Variants in BMAL1 observed in about 807,000 individuals in gnomAD.
BMAL1 encodes basic helix-loop-helix ARNT like 1, also known as basic helix-loop-helix ARNT-like protein 1.
the BMAL1 span, among the ~76,000 whole-genome samples, chr11:13,307,332 G>C: frequency 6.6e-6 from 1 of 152,216 alleles, no homozygotes; most frequent in African/African-American, 2.4e-5. Flanking sequence ...ATGACAAGAG[G>C]TGTCAAGGCG....
At chr11:13,374,974 C>T in the BMAL1 span, among the ~76,000 whole-genome samples, 1 of 152,192 alleles carries the variant, frequency 6.6e-6, no homozygotes, top group African/African-American at 2.4e-5. Flanking sequence ...CTGGCCTCTC[C>T]CCAACCAGAC....
At chr11:13,317,845 A>G in the BMAL1 span, among the ~76,000 whole-genome samples, 1 of 152,204 alleles carries the variant, frequency 6.6e-6, no homozygotes, top group Non-Finnish European at 1.5e-5. Flanking sequence ...AAAAATACGT[A>G]GATACTTTCA....
chr11:13,292,311 G>A, the BMAL1 span, among the ~76,000 whole-genome samples: 1 of 151,798 alleles, frequency 6.6e-6, no homozygotes, highest in Admixed American at 6.6e-5. Context: ...TTGGGAGGTC[G>A]AGGCAGGCAG....
At chr11:13,360,466 T>C in the BMAL1 span, 2 of 1,575,720 alleles carry the variant, frequency 1.3e-6, no homozygotes, top group South Asian at 1.1e-5. Context: ...TTTGTTTTTA[T>C]AAATTTTCAA....
chr11:13,284,077 G>T, the BMAL1 span, among the ~76,000 whole-genome samples: 7 of 85,626 alleles, frequency 8.2e-5, no homozygotes, highest in African/African-American at 3.9e-4. Flanking sequence ...ACAGTGTTGG[G>T]GTGTGTGTGT....
chr11:13,365,142 A>G, the BMAL1 span, among the ~76,000 whole-genome samples: 6 of 152,118 alleles, frequency 3.9e-5, no homozygotes, highest in African/African-American at 1.2e-4. Flanking sequence ...CTCTCCATAG[A>G]GTTGTTATTA....
At chr11:13,369,361 T>C in the BMAL1 span, among the ~76,000 whole-genome samples, 2 of 152,240 alleles carry the variant, frequency 1.3e-5, no homozygotes, top group Non-Finnish European at 2.9e-5. Flanking sequence ...AAGAACCCCA[T>C]ACTATATTTC....
the BMAL1 span, among the ~76,000 whole-genome samples, chr11:13,281,081 A>AT: frequency 2.6e-5 from 4 of 152,116 alleles, no homozygotes; most frequent in African/African-American, 9.7e-5. Flanking sequence ...TGCATGTAAA[A>AT]GGCCTGGCAC....
At chr11:13,351,230 A>G in the BMAL1 span, among the ~76,000 whole-genome samples, 1 of 152,206 alleles carries the variant, frequency 6.6e-6, no homozygotes, top group African/African-American at 2.4e-5. Flanking sequence ...TGTCGAGCTG[A>G]TAGCACATTT....
the BMAL1 span, among the ~76,000 whole-genome samples, chr11:13,279,556 T>C: frequency 6.6e-6 from 1 of 152,224 alleles, no homozygotes; most frequent in Non-Finnish European, 1.5e-5. Flanking sequence ...TTGAATAATA[T>C]CATGCTCTCT....
the BMAL1 span, among the ~76,000 whole-genome samples, chr11:13,315,416 G>A: frequency 2.0e-5 from 3 of 152,208 alleles, no homozygotes; most frequent in African/African-American, 7.2e-5. Flanking sequence ...TGCTCACCTT[G>A]TGTCAAGTAC....
At chr11:13,344,283 C>CA in the BMAL1 span, among the ~76,000 whole-genome samples, 4 of 152,122 alleles carry the variant, frequency 2.6e-5, no homozygotes, top group Non-Finnish European at 5.9e-5. Flanking sequence ...TCCACTAATA[C>CA]AAAAAAAGCA....
chr11:13,317,072 G>A, the BMAL1 span, among the ~76,000 whole-genome samples: 1 of 152,138 alleles, frequency 6.6e-6, no homozygotes, highest in Non-Finnish European at 1.5e-5. Context: ...ATGAAGATGT[G>A]CTTAGCACCG....
chr11:13,374,989 C>T, the BMAL1 span, among the ~76,000 whole-genome samples: 2 of 152,214 alleles, frequency 1.3e-5, no homozygotes, highest in East Asian at 3.9e-4. Flanking sequence ...CCAGACCCTG[C>T]TGCTCCTCAG....
At chr11:13,278,834 A>G in the BMAL1 span, among the ~76,000 whole-genome samples, 2 of 152,204 alleles carry the variant, frequency 1.3e-5, no homozygotes, top group Non-Finnish European at 2.9e-5. Flanking sequence ...CCGCTCGGCT[A>G]TTGCCGGGCG....
chr11:13,384,225 T>C, the BMAL1 span, among the ~76,000 whole-genome samples: 7 of 152,178 alleles, frequency 4.6e-5, no homozygotes, highest in Non-Finnish European at 1.0e-4. Flanking sequence ...TTTAGAAAAC[T>C]TGTCTCTGCT....
At chr11:13,326,193 ACT>A in the BMAL1 span, among the ~76,000 whole-genome samples, 2 of 132,186 alleles carry the variant, frequency 1.5e-5, no homozygotes, top group Non-Finnish European at 1.7e-5. Context: ...ACAGAGCAAG[ACT>A]CTGTCTAAAA....
chr11:13,386,959 T>A, the BMAL1 span: 2 of 479,208 alleles, frequency 4.2e-6, no homozygotes, highest in African/African-American at 3.9e-5. Context: ...CAGTGTTTCC[T>A]CATCATTGAT....
the BMAL1 span, among the ~76,000 whole-genome samples, chr11:13,385,176 C>G: frequency 6.6e-6 from 1 of 152,138 alleles, no homozygotes; most frequent in Non-Finnish European, 1.5e-5. Context: ...AGTAATAATC[C>G]TCCCCAGTAG....
Sources: gnomAD v4.1 joint callset for allele counts (sites outside exome capture counted in the v4.1 genomes callset) on GRCh38, gnomAD v4.1.1 for gene constraint, MANE v1.5 for transcripts, NCBI Gene and HGNC (gene_info 2026-07-23, HGNC 2026-07-21) for gene names.